RPS6KA5: variants seen among roughly 807,000 people sequenced by gnomAD.
RPS6KA5 encodes ribosomal protein S6 kinase A5, also known as ribosomal protein S6 kinase alpha-5.
A neutral mutation model predicts 85.5 loss-of-function variants in RPS6KA5; 27 were observed. The observed-to-expected ratio is 0.32, with a 90% CI of 0.23 to 0.44. The LOEUF (loss-of-function observed/expected upper bound fraction) is 0.44. Ranked by LOEUF, RPS6KA5 falls within the 20% of genes least tolerant of loss-of-function variation. The probability of loss-of-function intolerance (pLI) is 1.00; values close to 1 mark genes in which losing one functional copy is unlikely to be tolerated. For synonymous variants in RPS6KA5, 334 were observed against 348.2 expected (o/e 0.96, Z 0.46); for missense variants, 811 against 980.9 (o/e 0.83, Z 2.31).
chr14:91,048,774 A>T, intron 1 of RPS6KA5, among the ~76,000 whole-genome samples: 1 of 152,100 alleles, frequency 6.6e-6, no homozygotes, highest in East Asian at 1.9e-4. Flanking sequence ...AACTGTGACA[A>T]CCCCTCCCTC....
intron 15 of RPS6KA5, 84 bp from the exon 16 acceptor site, chr14:90,873,879 T>G (rs184079949): frequency 6.3e-5 from 75 of 1,183,764 alleles, no homozygotes; most frequent in Admixed American, 5.4e-4. Flanking sequence ...CTCAGCTATG[T>G]TCACATGACA....
intron 14 of RPS6KA5, among the ~76,000 whole-genome samples, chr14:90,883,557 C>T (rs1306182464): frequency 3.3e-5 from 5 of 152,130 alleles, no homozygotes; most frequent in Non-Finnish European, 7.4e-5. Context: ...CCACATACTC[C>T]TTTAGGTCTT....
intron 1 of RPS6KA5, among the ~76,000 whole-genome samples, chr14:91,018,916 C>A (rs1385948199): frequency 6.6e-6 from 1 of 151,950 alleles, no homozygotes; most frequent in African/African-American, 2.4e-5. Flanking sequence ...CACATCTACC[C>A]TCTCTTTTCC....
chr14:91,014,780 TGTTA>T (rs1204895168), intron 1 of RPS6KA5, among the ~76,000 whole-genome samples: 1 of 152,168 alleles, frequency 6.6e-6, no homozygotes, highest in African/African-American at 2.4e-5. Flanking sequence ...AATGCACTAT[TGTTA>T]AATATTTCAA....
chr14:90,883,509 T>C lies in RPS6KA5; in HGVS notation c.1836+6978A>G, dbSNP rs2033988780. The stretch of plus-strand genomic sequence containing the variant: ...TTCAGGTTTTCTATCTCTTTACTGT[T>C]ATTTCCATTTTGTTAATACATTTTG... On this transcript the variant is annotated intron_variant, in intron 14 of 16. Coordinates refer to ENST00000614987, the MANE Select transcript of RPS6KA5 (RefSeq NM_004755.4). Among the ~76,000 whole-genome samples the C allele has an allele frequency of 2.0e-5, 3 of 152,200 alleles. No homozygotes were observed. The South Asian group carries it at 6.2e-4, about 31-fold the overall frequency.
intron 1 of RPS6KA5, among the ~76,000 whole-genome samples, chr14:91,007,558 G>A (rs1595459485): frequency 6.6e-6 from 1 of 152,064 alleles, no homozygotes; most frequent in East Asian, 1.9e-4. Flanking sequence ...GGGAAAAAGA[G>A]GTGTAAATAG....
chr14:90,890,562 A>C lies in RPS6KA5; in HGVS notation c.1761T>G (p.His587Gln). Residue 587 changes from histidine (H) to glutamine (Q), a missense_variant, in exon 14 of 17, where the codon CAT (histidine) becomes CAG (glutamine). Physicochemically the swap from His to Gln is conservative, Grantham distance 24 (BLOSUM62 0). Around this residue, in one of 3 missense-constraint regions of RPS6KA5, gnomAD observed 650 missense variants for 793.4 expected, o/e 0.82. Transcript: ENST00000614987. ...QPLKTPCFTLHYAAPELLNQN... is the reference protein window; with the variant it reads ...QPLKTPCFTLQYAAPELLNQN... ...GATTCAAGAGCTCTGGGGCGGCATAATGAAGGGTGAAGCATGGAGTCTTCA... is the reference window on the plus strand; with the variant it reads ...GATTCAAGAGCTCTGGGGCGGCATACTGAAGGGTGAAGCATGGAGTCTTCA... The C allele has an allele frequency of 6.2e-7, 1 of 1,614,232 alleles. No homozygotes were observed. Among genetic ancestry groups the C allele is most frequent in the South Asian group, 1.1e-5 (1 of 91,086 alleles).
intron 7 of RPS6KA5, among the ~76,000 whole-genome samples, chr14:90,912,658 G>A (rs868665353): frequency 2.0e-5 from 3 of 152,238 alleles, no homozygotes; most frequent in South Asian, 2.1e-4. Context: ...CTATGAGACA[G>A]GCTGTCACTT....
intron 1 of RPS6KA5, among the ~76,000 whole-genome samples, chr14:91,001,619 T>C (rs1004658570): frequency 1.2e-4 from 18 of 152,168 alleles, no homozygotes; most frequent in Admixed American, 4.6e-4. Context: ...CTGGACACGA[T>C]ATAGTATGCA....
At chr14:91,005,793 G>C (rs1164879112) in intron 1 of RPS6KA5, among the ~76,000 whole-genome samples, 1 of 152,008 alleles carries the variant, frequency 6.6e-6, no homozygotes, top group African/African-American at 2.4e-5. Flanking sequence ...AATATTAACA[G>C]TATTAGAACA....
chr14:90,940,997 G>A (rs1474978670), intron 5 of RPS6KA5, among the ~76,000 whole-genome samples: 1 of 151,966 alleles, frequency 6.6e-6, no homozygotes, highest in African/African-American at 2.4e-5. Flanking sequence ...AAAAAGTTGG[G>A]GACTGCTGAT....
chr14:91,054,466 G>A (rs926198355), intron 1 of RPS6KA5, among the ~76,000 whole-genome samples: 1 of 150,928 alleles, frequency 6.6e-6, no homozygotes, highest in Non-Finnish European at 1.5e-5. Flanking sequence ...GTGAAACCTC[G>A]TCTCTATTGA....
At chr14:90,934,056 A>C (rs1343710532) in intron 5 of RPS6KA5, among the ~76,000 whole-genome samples, 3 of 152,108 alleles carry the variant, frequency 2.0e-5, no homozygotes, top group Non-Finnish European at 4.4e-5. Flanking sequence ...CCTGTTCCCT[A>C]CTATACTTGT....
At chr14:90,929,708 C>A in intron 5 of RPS6KA5, among the ~76,000 whole-genome samples, 1 of 151,964 alleles carries the variant, frequency 6.6e-6, no homozygotes, top group Non-Finnish European at 1.5e-5. Context: ...TTTATATATT[C>A]GATTCCACAA....
chr14:90,938,213 G>T (rs748296286), intron 5 of RPS6KA5, among the ~76,000 whole-genome samples: 5 of 152,326 alleles, frequency 3.3e-5, no homozygotes, highest in South Asian at 2.1e-4. Flanking sequence ...GCTCCAAAAT[G>T]ATCTCCTTTG....
In RPS6KA5 at chr14:91,007,842, T is replaced by C. The variant is rs1218431751; in HGVS notation, c.104-6683A>G. 2.0e-5 allele frequency among the ~76,000 whole-genome samples: 3 copies of C among 152,184 alleles called. No individual in the cohort carries two copies. The East Asian group carries it at 5.8e-4, about 29-fold the overall frequency. The stretch of plus-strand genomic sequence containing the variant: ...TTAAATAACTTTGTTGTTGTTTTCT[T>C]CATAAAATTATCCAGGTTCACTGTT... On this transcript the variant is annotated intron_variant, in intron 1 of 16. Transcript: ENST00000614987.
intron 2 of RPS6KA5, among the ~76,000 whole-genome samples, chr14:90,990,076 G>A (rs540592919): frequency 2.6e-5 from 4 of 152,188 alleles, no homozygotes; most frequent in African/African-American, 9.6e-5. Context: ...ACTACCAATG[G>A]GGGGACAAGA....
rs1432148453 is a variant in RPS6KA5, at chr14:90,854,562, C to T, written c.*17512G>A. On this transcript the variant is annotated 3_prime_UTR_variant, in exon 17 of 17. Transcript: ENST00000614987. ...GAGCAGGGTTTGATTATTCTGACATCAGAAAGCCAACACTAGATTCCACAG... is the reference window on the plus strand; with the variant it reads ...GAGCAGGGTTTGATTATTCTGACATTAGAAAGCCAACACTAGATTCCACAG... 2.0e-5 allele frequency: 3 copies of T among 152,096 alleles called. No individual in the cohort carries two copies. The highest frequency in any genetic ancestry group is 4.4e-5 in the Non-Finnish European group (3 of 67,992). 9.4% of individuals were successfully genotyped at this position (152,096 alleles called of 1,614,324 possible).
At chr14:90,995,933 C>A (rs1017290025) in intron 2 of RPS6KA5, among the ~76,000 whole-genome samples, 1 of 152,090 alleles carries the variant, frequency 6.6e-6, no homozygotes, top group African/African-American at 2.4e-5. Flanking sequence ...AGTAAATAAG[C>A]AAGCAAGCTG....
Sources: gnomAD v4.1 joint callset for allele counts (sites outside exome capture counted in the v4.1 genomes callset) on GRCh38, gnomAD v4.1.1 for gene constraint, gnomAD v4.1.1 regional missense constraint, MANE v1.5 for transcripts, NCBI Gene and HGNC (gene_info 2026-07-23, HGNC 2026-07-21) for gene names.